Variants in TBXAS1 observed in about 807,000 individuals in gnomAD.
TBXAS1 encodes thromboxane-A synthase.
TBXAS1 carries 48 observed loss-of-function variants against 60.7 expected under a neutral mutation model. The ratio of observed to expected loss-of-function variants is 0.79; its 90% CI spans 0.63 to 1.01. The LOEUF (loss-of-function observed/expected upper bound fraction) is 1.01, where lower values mean the gene tolerates loss of function less well. TBXAS1 is among the 50% of genes least tolerant of loss of function. The pLI, the probability that TBXAS1 is intolerant of heterozygous loss-of-function variation, is 0.00. For synonymous variants in TBXAS1, 287 were observed against 269.7 expected (o/e 1.06, Z -0.63); for missense variants, 685 against 686.3 (o/e 1.00, Z 0.02).
chr7:139,839,291 C>T (rs1199835806), intron 1 of TBXAS1, among the ~76,000 whole-genome samples: 2 of 152,180 alleles, frequency 1.3e-5, no homozygotes, highest in African/African-American at 4.8e-5. Context: ...TGGGAAACTG[C>T]TCCCTTCTAG....
chr7:139,916,000 T>C (rs1170328235), intron 4 of TBXAS1, among the ~76,000 whole-genome samples: 2 of 152,208 alleles, frequency 1.3e-5, no homozygotes, highest in African/African-American at 4.8e-5. Flanking sequence ...CCACAGCTTA[T>C]CATTAAACCC....
intron 4 of TBXAS1, among the ~76,000 whole-genome samples, chr7:139,929,480 G>A (rs750741356): frequency 1.1e-4 from 16 of 152,152 alleles, no homozygotes; most frequent in Non-Finnish European, 2.4e-4. Flanking sequence ...TCAGGGTGGA[G>A]CAGGTGATTG....
Position 139,878,483 on chromosome 7 carries a change from C to T in TBXAS1, c.236+2846C>T, listed in dbSNP as rs532340758. ...AAGAAAGGTGATGGCATAATTTCTT[C>T]CTATAAAGCTATCAACTTTTCTCCT... On this transcript the variant is annotated intron_variant, in intron 3 of 12. Transcript: ENST00000448866. 2.0e-5 allele frequency among the ~76,000 whole-genome samples: 3 copies of T among 152,238 alleles called. No homozygotes were observed. The South Asian group carries it at 6.2e-4, about 32-fold the overall frequency.
At chr7:139,810,411 T>G (rs1797996184) in intron 4 of TBXAS1, among the ~76,000 whole-genome samples, 1 of 152,176 alleles carries the variant, frequency 6.6e-6, no homozygotes, top group South Asian at 2.1e-4. Flanking sequence ...GGAAGAGTTA[T>G]CTCTTGGGCT....
chr7:139,916,192 A>G lies in TBXAS1; in HGVS notation c.333+4871A>G, dbSNP rs574115155. ...TGGAGCTGAGTCCACATGACTCAGCAGAAATGGTCACAACCAGAGGCAGAA... is the reference window on the plus strand; with the variant it reads ...TGGAGCTGAGTCCACATGACTCAGCGGAAATGGTCACAACCAGAGGCAGAA... On this transcript the variant is annotated intron_variant, in intron 4 of 12. Coordinates refer to ENST00000448866, the MANE Select transcript of TBXAS1 (RefSeq NM_001061.7). This position sits in a 1 kb window ranked among gnomAD's most constrained non-coding sequence, Gnocchi z 4.2. 3.9e-5 allele frequency among the ~76,000 whole-genome samples: 6 copies of G among 152,330 alleles called. No individual in the cohort carries two copies. The South Asian group carries it at 1.2e-3, about 32-fold the overall frequency.
At chr7:139,977,299 C>T (rs1162788909) in intron 9 of TBXAS1, among the ~76,000 whole-genome samples, 1 of 152,220 alleles carries the variant, frequency 6.6e-6, no homozygotes, top group African/African-American at 2.4e-5. Context: ...GAGCAAGTCA[C>T]ATCTTACGTG....
At chr7:139,846,250 C>G (rs1799794214) in intron 1 of TBXAS1, among the ~76,000 whole-genome samples, 1 of 152,154 alleles carries the variant, frequency 6.6e-6, no homozygotes, top group Admixed American at 6.5e-5. Context: ...CTTGAAAACG[C>G]ACTAAAAACA....
chr7:139,809,559 T>A (rs1342228642), intron 4 of TBXAS1, among the ~76,000 whole-genome samples: 1 of 152,130 alleles, frequency 6.6e-6, no homozygotes, highest in South Asian at 2.1e-4. Flanking sequence ...TCAGTCCCCG[T>A]CTAAAGGCCT....
At chr7:140,012,404 C>G (rs2116433521) in intron 10 of TBXAS1, among the ~76,000 whole-genome samples, 1 of 151,996 alleles carries the variant, frequency 6.6e-6, no homozygotes, top group Middle Eastern at 3.4e-3. Context: ...GTAATTCTGC[C>G]CTCGTCCTAA....
At chr7:139,810,183 T>C (rs566889604) in intron 4 of TBXAS1, among the ~76,000 whole-genome samples, 1 of 152,192 alleles carries the variant, frequency 6.6e-6, no homozygotes, top group Admixed American at 6.5e-5. Flanking sequence ...ATTACAGGCA[T>C]GAGCCACCAA....
chr7:139,966,871 C>T (rs537427510), intron 9 of TBXAS1, among the ~76,000 whole-genome samples: 199 of 152,288 alleles, frequency 1.3e-3, no homozygotes, highest in Non-Finnish European at 2.5e-3. Flanking sequence ...TCCTTCTACC[C>T]CTCCCCCACC....
intron 3 of TBXAS1, among the ~76,000 whole-genome samples, chr7:139,907,707 A>G (rs1401154728): frequency 5.3e-5 from 8 of 152,104 alleles, no homozygotes; most frequent in African/African-American, 1.4e-4. Context: ...TCAACCATCA[A>G]GTATGATTTA....
At chr7:139,991,526 A>G (rs1288878642) in intron 9 of TBXAS1, among the ~76,000 whole-genome samples, 1 of 152,222 alleles carries the variant, frequency 6.6e-6, no homozygotes, top group East Asian at 1.9e-4. Flanking sequence ...GAGGTCATTT[A>G]TGAACATCAA....
intron 4 of TBXAS1, among the ~76,000 whole-genome samples, chr7:139,807,126 C>T (rs146044537): frequency 3.9e-5 from 6 of 152,324 alleles, no homozygotes; most frequent in East Asian, 3.9e-4. Flanking sequence ...CTCCCTTCCT[C>T]GAGTCCTCCA....
At chr7:139,843,831 T>C (rs1036937583) in intron 1 of TBXAS1, among the ~76,000 whole-genome samples, 1 of 149,792 alleles carries the variant, frequency 6.7e-6, no homozygotes, top group Non-Finnish European at 1.5e-5. Context: ...ACTGTGACAA[T>C]GTGTGTGTGT....
intron 5 of TBXAS1, among the ~76,000 whole-genome samples, chr7:139,940,197 G>A (rs1808176047): frequency 6.6e-6 from 1 of 152,190 alleles, no homozygotes; most frequent in African/African-American, 2.4e-5. Flanking sequence ...AAGCCATGGT[G>A]TAGACAGGAT....
chr7:139,853,721 C>T (rs1296706272), intron 1 of TBXAS1, among the ~76,000 whole-genome samples: 1 of 152,152 alleles, frequency 6.6e-6, no homozygotes, highest in Non-Finnish European at 1.5e-5. Context: ...CCACAAGTCT[C>T]AGGGGTTCTT....
chr7:139,954,110 A>C lies in TBXAS1; in HGVS notation c.539+654A>C, dbSNP rs1053947192. On this transcript the variant is annotated intron_variant, in intron 6 of 12. Coordinates refer to ENST00000448866, the MANE Select transcript of TBXAS1 (RefSeq NM_001061.7). ...CTTCCAACGTGGCCCAGGCAAGCCA[A>C]AAGATTTAGCCACCTTTGCTTTAGT... 7.2e-5 allele frequency among the ~76,000 whole-genome samples: 11 copies of C among 152,228 alleles called. No individual in the cohort carries two copies. In the East Asian group the frequency reaches 2.1e-3, roughly 29 times the overall value.
chr7:139,937,842 C>A (rs894452147), intron 5 of TBXAS1, among the ~76,000 whole-genome samples: 1 of 146,180 alleles, frequency 6.8e-6, no homozygotes, highest in African/African-American at 2.5e-5. Context: ...CAGTGGTGCT[C>A]GGAGGCCACG....
Sources: gnomAD v4.1 joint callset for allele counts (sites outside exome capture counted in the v4.1 genomes callset) on GRCh38, gnomAD v4.1.1 for gene constraint, Gnocchi (gnomAD v3.1) non-coding constraint, MANE v1.5 for transcripts, NCBI Gene and HGNC (gene_info 2026-07-23, HGNC 2026-07-21) for gene names.